BMERB1: variants seen among roughly 807,000 people sequenced by gnomAD.
The protein encoded by BMERB1 is bMERB domain-containing protein 1.
Under a neutral mutation model 23.6 loss-of-function variants are expected in BMERB1, and 12 were observed. That is an observed-to-expected ratio of 0.51 (90% CI 0.33 to 0.82). The LOEUF (loss-of-function observed/expected upper bound fraction) is 0.82, where lower values mean the gene tolerates loss of function less well. Ranked by LOEUF, BMERB1 falls within the 40% of genes least tolerant of loss-of-function variation. The pLI is 0.03. For missense variants in BMERB1, 247 were observed against 255.4 expected (o/e 0.97, Z 0.22); for synonymous variants, 122 against 96.6 (o/e 1.26, Z -1.54).
chr16:15,472,715 T>C (rs1447866034), intron 1 of BMERB1, among the ~76,000 whole-genome samples: 1 of 152,206 alleles, frequency 6.6e-6, no homozygotes, highest in Admixed American at 6.5e-5. Flanking sequence ...TAAACTGATA[T>C]ATTTAGACCA....
At chr16:15,519,697 T>C (rs1006288407) in intron 2 of BMERB1, among the ~76,000 whole-genome samples, 13 of 152,168 alleles carry the variant, frequency 8.5e-5, no homozygotes, top group African/African-American at 2.9e-4. Context: ...ATTGACTCTT[T>C]TAAGCATGAG....
intron 1 of BMERB1, among the ~76,000 whole-genome samples, chr16:15,498,393 G>A (rs1265008683): frequency 6.6e-6 from 1 of 152,050 alleles, no homozygotes; most frequent in Non-Finnish European, 1.5e-5. Context: ...ACGTGATGGT[G>A]CACACCTGTA....
chr16:15,563,834 T>C (rs547415288), intron 2 of BMERB1, among the ~76,000 whole-genome samples: 3 of 152,278 alleles, frequency 2.0e-5, no homozygotes, highest in South Asian at 2.1e-4. Flanking sequence ...CTGGGGATTA[T>C]GATTTGACAT....
At chr16:15,488,345 C>A (rs2051385190) in intron 1 of BMERB1, among the ~76,000 whole-genome samples, 1 of 152,120 alleles carries the variant, frequency 6.6e-6, no homozygotes, top group Non-Finnish European at 1.5e-5. Flanking sequence ...ACAGGCTGCA[C>A]AAAAAGAAGT....
At chr16:15,437,690 G>T (rs2050900058) in intron 1 of BMERB1, among the ~76,000 whole-genome samples, 1 of 152,152 alleles carries the variant, frequency 6.6e-6, no homozygotes, top group South Asian at 2.1e-4. Flanking sequence ...CAGGCGCATT[G>T]GCTCACGCCT....
intron 1 of BMERB1, among the ~76,000 whole-genome samples, chr16:15,499,025 A>C (rs1394210744): frequency 6.6e-6 from 1 of 152,228 alleles, no homozygotes; most frequent in African/African-American, 2.4e-5. Flanking sequence ...CTCAGATTAC[A>C]CTTCCAGAGG....
At chr16:15,530,141 C>T (rs1598498469) in intron 2 of BMERB1, among the ~76,000 whole-genome samples, 1 of 152,216 alleles carries the variant, frequency 6.6e-6, no homozygotes. Flanking sequence ...ATCCTGTCGC[C>T]TTTGCTCTTC....
chr16:15,556,613 G>A (rs1011943052), intron 2 of BMERB1, among the ~76,000 whole-genome samples: 1 of 152,070 alleles, frequency 6.6e-6, no homozygotes, highest in South Asian at 2.1e-4. Flanking sequence ...TTGAGACGGA[G>A]TCTCGCTCTG....
At chr16:15,551,904 GCGAT>G (rs1468909766) in intron 2 of BMERB1, among the ~76,000 whole-genome samples, 1 of 152,118 alleles carries the variant, frequency 6.6e-6, no homozygotes, top group Non-Finnish European at 1.5e-5. Context: ...CTGCACTCAA[GCGAT>G]CCTCCTGCCT....
At chr16:15,468,031 T>C (rs980069925) in intron 1 of BMERB1, among the ~76,000 whole-genome samples, 2 of 152,078 alleles carry the variant, frequency 1.3e-5, no homozygotes, top group African/African-American at 2.4e-5. Flanking sequence ...GGTTTCATTC[T>C]GCAGTCAAAG....
chr16:15,468,900 A>G (rs1157497890), intron 1 of BMERB1, among the ~76,000 whole-genome samples: 1 of 150,710 alleles, frequency 6.6e-6, no homozygotes, highest in East Asian at 1.9e-4. Flanking sequence ...TGGCCTGTGG[A>G]TATCCAATTT....
chr16:15,489,395 CCT>C (rs1487098676), intron 1 of BMERB1, among the ~76,000 whole-genome samples: 1 of 152,102 alleles, frequency 6.6e-6, no homozygotes, highest in African/African-American at 2.4e-5. Flanking sequence ...GTTCCTACCC[CCT>C]CTTTTTGGAG....
At chr16:15,535,748 G>GA (rs577683147) in intron 2 of BMERB1, among the ~76,000 whole-genome samples, 11 of 148,266 alleles carry the variant, frequency 7.4e-5, no homozygotes, top group South Asian at 2.2e-4. Context: ...TTTCACACTG[G>GA]AAAAAAAAAA....
At chr16:15,437,308 T>C (rs1223271451) in intron 1 of BMERB1, among the ~76,000 whole-genome samples, 5 of 152,224 alleles carry the variant, frequency 3.3e-5, no homozygotes, top group South Asian at 2.1e-4. Flanking sequence ...TATGTGACTT[T>C]AGGAGTATTG....
chr16:15,544,807 C>G (rs1320780344), intron 2 of BMERB1, among the ~76,000 whole-genome samples: 1 of 152,168 alleles, frequency 6.6e-6, no homozygotes, highest in Non-Finnish European at 1.5e-5. Context: ...CCATCAATCA[C>G]AGTTTCAGTC....
intron 1 of BMERB1, among the ~76,000 whole-genome samples, chr16:15,490,115 C>T (rs760342915): frequency 1.3e-5 from 2 of 152,144 alleles, no homozygotes; most frequent in Non-Finnish European, 2.9e-5. Flanking sequence ...CTGCCCACCT[C>T]GGCCTCCCCA....
At chr16:15,440,883 C>T (rs1050093279) in intron 1 of BMERB1, among the ~76,000 whole-genome samples, 3 of 152,116 alleles carry the variant, frequency 2.0e-5, no homozygotes, top group Middle Eastern at 3.2e-3. Context: ...TGGTTTAGGT[C>T]ATAGTAAATG....
At chr16:15,510,482 A>G (rs934099624) in intron 1 of BMERB1, among the ~76,000 whole-genome samples, 3 of 152,156 alleles carry the variant, frequency 2.0e-5, no homozygotes, top group African/African-American at 7.2e-5. Flanking sequence ...AATTGCAAGC[A>G]TATATTAAAC....
At chr16:15,435,413 C>T (rs1179807777) in intron 1 of BMERB1, among the ~76,000 whole-genome samples, 1 of 152,202 alleles carries the variant, frequency 6.6e-6, no homozygotes, top group Non-Finnish European at 1.5e-5. Context: ...TACTGGTTCT[C>T]TCTGCGGTGT....
Sources: allele counts gnomAD v4.1 joint callset (sites outside exome capture counted in the v4.1 genomes callset), GRCh38; gene constraint gnomAD v4.1.1; transcripts MANE v1.5; gene names NCBI Gene and HGNC (gene_info 2026-07-23, HGNC 2026-07-21).